VDAC3: variants seen among roughly 807,000 people sequenced by gnomAD.
VDAC3 encodes the protein voltage dependent anion channel 3, also known as non-selective voltage-gated ion channel VDAC3.
In VDAC3, 7 loss-of-function variants were observed where a neutral mutation model predicts 33.9. The observed-to-expected ratio is 0.21, with a 90% CI of 0.12 to 0.39. The LOEUF (loss-of-function observed/expected upper bound fraction) is 0.39. Among genes scored for constraint, VDAC3 ranks in the 10% least tolerant of loss-of-function variants. VDAC3 has a pLI of 1.00. For synonymous variants in VDAC3, 100 were observed against 122.4 expected (o/e 0.82, Z 1.21); for missense variants, 261 against 334.5 (o/e 0.78, Z 1.71).
At chr8:42,403,174 A>G in intron 7 of VDAC3, 137 bp from the exon 8 acceptor site, 1 of 963,998 alleles carries the variant, frequency 1.0e-6, no homozygotes, top group Non-Finnish European at 1.5e-6. Context: ...TTTAGTAGTC[A>G]TTTATGCTAG....
intron 4 of VDAC3, among the ~76,000 whole-genome samples, chr8:42,395,531 A>G (rs993814326): frequency 2.0e-5 from 3 of 152,258 alleles, no homozygotes; most frequent in Non-Finnish European, 2.9e-5. Flanking sequence ...GAAACAAAAT[A>G]TGTAAATAAA....
chr8:42,396,699 T>C (rs1421438983), intron 4 of VDAC3: 1 of 688,844 alleles, frequency 1.5e-6, no homozygotes, highest in Admixed American at 2.2e-5. Flanking sequence ...AAAAAGCTTA[T>C]TCGTATGCTT....
intron 8 of VDAC3, among the ~76,000 whole-genome samples, chr8:42,404,205 A>G (rs1802464214): frequency 6.6e-6 from 1 of 152,226 alleles, no homozygotes; most frequent in Non-Finnish European, 1.5e-5. Context: ...TAGAAAGGTC[A>G]GCTAACTTGC....
chr8:42,399,980 T>C (rs1274044432), intron 6 of VDAC3, among the ~76,000 whole-genome samples: 1 of 152,178 alleles, frequency 6.6e-6, no homozygotes, highest in East Asian at 1.9e-4. Flanking sequence ...AGAAGAGTCT[T>C]GAGACCATAG....
At chr8:42,394,747 CTTA>C (rs940173744) in intron 3 of VDAC3, among the ~76,000 whole-genome samples, 1 of 152,034 alleles carries the variant, frequency 6.6e-6, no homozygotes, top group Admixed American at 6.5e-5. Flanking sequence ...TTGATTTTTT[CTTA>C]TTAACTAGTA....
chr8:42,395,253 T>C (rs1802284477), intron 4 of VDAC3, 120 bp downstream of exon 4: 1 of 1,444,308 alleles, frequency 6.9e-7, no homozygotes, highest in Non-Finnish European at 9.3e-7. Flanking sequence ...AGCTTTGTCC[T>C]CTCAGATTTT....
rs369510839 is a variant in VDAC3 at position 42,402,620 on chromosome 8, T to C, written c.551+605T>C. Among the ~76,000 whole-genome samples the C allele has an allele frequency of 1.1e-4, 16 of 152,236 alleles. No individual in the cohort carries two copies. The East Asian group carries it at 2.3e-3, about 22-fold the overall frequency. On this transcript the variant is annotated intron_variant, in intron 7 of 9. Coordinates refer to ENST00000022615, the MANE Select transcript of VDAC3 (RefSeq NM_005662.7). ...TTGAGCCTACTGGACACTGCTACTA[T>C]ACCAGGAAGAAAAAGCAAAGGGCAA...
intron 8 of VDAC3, 102 bp from the exon 9 acceptor site, chr8:42,404,765 A>G: frequency 4.9e-6 from 4 of 823,682 alleles, no homozygotes; most frequent in Non-Finnish European, 5.7e-6. Flanking sequence ...GATTGGCCCT[A>G]GGGTGCTTTT....
intron 2 of VDAC3, 83 bp from the exon 3 acceptor site, chr8:42,394,127 A>T: frequency 7.9e-7 from 1 of 1,259,550 alleles, no homozygotes; most frequent in Non-Finnish European, 1.2e-6. Flanking sequence ...ACCCCTTCTC[A>T]CAGGATTAAA....
intron 2 of VDAC3, 91 bp from the exon 3 acceptor site, chr8:42,394,119 C>G (rs1159880955): frequency 3.6e-6 from 4 of 1,111,100 alleles, no homozygotes; most frequent in Non-Finnish European, 5.5e-6. Flanking sequence ...AACTGTATAC[C>G]CCTTCTCACA....
chr8:42,398,204 T>C (rs914318742), intron 4 of VDAC3, among the ~76,000 whole-genome samples: 1 of 152,198 alleles, frequency 6.6e-6, no homozygotes, highest in Non-Finnish European at 1.5e-5. Context: ...GATTACCATT[T>C]GGTAAGAGAG....
At chr8:42,394,380 A>G in intron 3 of VDAC3, 102 bp downstream of exon 3, 1 of 1,007,732 alleles carries the variant, frequency 9.9e-7, no homozygotes. Context: ...AGTCAGCATT[A>G]TTCCACTTCA....
At chr8:42,394,702 T>G (rs1355355383) in intron 3 of VDAC3, among the ~76,000 whole-genome samples, 1 of 152,210 alleles carries the variant, frequency 6.6e-6, no homozygotes, top group Non-Finnish European at 1.5e-5. Context: ...TTTTTAGGTT[T>G]TAAAATTTAA....
chr8:42,397,132 A>G (rs1802331035), intron 4 of VDAC3: 1 of 155,054 alleles, frequency 6.4e-6, no homozygotes, highest in African/African-American at 2.4e-5. Context: ...CAAAATTAAG[A>G]TTTGCATTTG....
At position 42,398,900 on chromosome 8, in the gene VDAC3, A is replaced by G. The variant is rs908312732; in HGVS notation, c.270+36A>G. The stretch of plus-strand genomic sequence containing the variant: ...GCATTAGAAGTTATTCATAGGTTCA[A>G]TTTATCTTGTAGATTGAATGATGAA... On this transcript the variant is annotated intron_variant, in intron 5 of 9. Coordinates refer to ENST00000022615, the MANE Select transcript of VDAC3 (RefSeq NM_005662.7). 8.1e-6 allele frequency: 13 copies of G among 1,607,686 alleles called. No individual in the cohort carries two copies. In the African/African-American group the frequency reaches 1.5e-4, roughly 18 times the overall value.
chr8:42,395,604 T>A (rs1802296857), intron 4 of VDAC3, among the ~76,000 whole-genome samples: 1 of 152,248 alleles, frequency 6.6e-6, no homozygotes, highest in Non-Finnish European at 1.5e-5. Flanking sequence ...TTATAAAGTT[T>A]TTTTTATTGG....
At chr8:42,395,169 A>T (rs371420991) in intron 4 of VDAC3, 36 bp downstream of exon 4, 24 of 1,611,914 alleles carry the variant, frequency 1.5e-5, no homozygotes, top group Non-Finnish European at 2.0e-5. Context: ...AATGTAACAT[A>T]ATTAACTTAA....
chr8:42,392,397 T>C (rs1281875064), intron 1 of VDAC3, among the ~76,000 whole-genome samples: 1 of 152,244 alleles, frequency 6.6e-6, no homozygotes, highest in Non-Finnish European at 1.5e-5. Flanking sequence ...GCTTAACGCC[T>C]TTCCCCGTCT....
chr8:42,400,547 T>G (rs937574997), intron 6 of VDAC3, among the ~76,000 whole-genome samples: 1 of 152,076 alleles, frequency 6.6e-6, no homozygotes, highest in African/African-American at 2.4e-5. Flanking sequence ...CTGCCTAATG[T>G]GGGTCCATGC....
Sources: gnomAD v4.1 joint callset for allele counts (sites outside exome capture counted in the v4.1 genomes callset) on GRCh38, gnomAD v4.1.1 for gene constraint, MANE v1.5 for transcripts, NCBI Gene and HGNC (gene_info 2026-07-23, HGNC 2026-07-21) for gene names.